The following ESRRG variants were observed in gnomAD, a reference collection of about 807,000 sequenced individuals.
The protein encoded by ESRRG is estrogen related receptor gamma.
Under a neutral mutation model 44.0 loss-of-function variants are expected in ESRRG, and 13 were observed. The ratio of observed to expected loss-of-function variants is 0.30; its 90% CI spans 0.19 to 0.47. The LOEUF is 0.47. ESRRG is among the 20% of genes least tolerant of loss of function. The pLI is 1.00. For synonymous variants in ESRRG, 215 were observed against 214.6 expected, an observed-to-expected ratio of 1.00 and a Z score of -0.02; for missense variants, 395 against 580.6, an observed-to-expected ratio of 0.68 and a Z score of 3.29.
At chr1:216,955,798 G>C (rs968744995) in intron 1 of ESRRG, among the ~76,000 whole-genome samples, 2 of 152,120 alleles carry the variant, frequency 1.3e-5, no homozygotes, top group African/African-American at 4.8e-5. Context: ...CTGATGACTA[G>C]TGATGTTGAA....
chr1:216,516,033 C>T (rs899685166), intron 6 of ESRRG, among the ~76,000 whole-genome samples: 2 of 151,878 alleles, frequency 1.3e-5, no homozygotes, highest in East Asian at 1.9e-4. Flanking sequence ...AGTCAAACCT[C>T]GTTATATACA....
intron 2 of ESRRG, among the ~76,000 whole-genome samples, chr1:216,927,376 G>A (rs574421933): frequency 6.6e-6 from 1 of 152,244 alleles, no homozygotes; most frequent in East Asian, 1.9e-4. Context: ...CCACCCTGAA[G>A]GGCAAGGGTT....
At position 216,831,509 on chromosome 1, in the gene ESRRG, A is replaced by G. The variant is rs559898961; in HGVS notation, c.-14+108073T>C. Among the ~76,000 whole-genome samples, 10 of 150,368 alleles carry G rather than the reference A, an allele frequency of 6.7e-5. No homozygotes were observed. In the East Asian group the frequency reaches 1.4e-3, roughly 21 times the overall value. ...GGAGGAAAGAGGAGGAGAAAAAGAG[A>G]GAGAGAGAAAGAGGCAGGGGGAGAG... On this transcript the variant is annotated intron_variant, in intron 2 of 7. Coordinates refer to the ESRRG transcript ENST00000359162.
chr1:216,683,234 G>A (rs1430940491), intron 1 of ESRRG, among the ~76,000 whole-genome samples: 1 of 152,098 alleles, frequency 6.6e-6, no homozygotes, highest in Non-Finnish European at 1.5e-5. Flanking sequence ...CTAACGGAAG[G>A]AGATCATTAA....
intron 1 of ESRRG, among the ~76,000 whole-genome samples, chr1:217,019,735 A>G (rs1408213644): frequency 2.6e-5 from 4 of 152,208 alleles, no homozygotes; most frequent in East Asian, 1.9e-4. Context: ...TTTTTACATT[A>G]GGAAGAGCAG....
intron 2 of ESRRG, among the ~76,000 whole-genome samples, chr1:216,816,805 G>A (rs2095152062): frequency 6.6e-6 from 1 of 152,176 alleles, no homozygotes; most frequent in Non-Finnish European, 1.5e-5. Context: ...GGCTTTCAAA[G>A]AAGGCAAACA....
chr1:216,715,190 G>A, intron 1 of ESRRG: 1 of 985,322 alleles, frequency 1.0e-6, no homozygotes, highest in Non-Finnish European at 1.2e-6. Flanking sequence ...TCAGCTGATA[G>A]TTGCTTTTCC....
chr1:217,115,354 A>C (rs1352017913), intron 1 of ESRRG, among the ~76,000 whole-genome samples: 1 of 152,158 alleles, frequency 6.6e-6, no homozygotes, highest in Non-Finnish European at 1.5e-5. Context: ...CATGATCCAG[A>C]ACAGCCCCTT....
In ESRRG at chr1:216,833,998, C is replaced by T. The variant is rs527686403; in HGVS notation, c.-14+105584G>A. ...TAGTTCTTCATCTGCACAGTTATCA[C>T]GGGGACACCATGGTTCAAACAACAG... On this transcript the variant is annotated intron_variant, in intron 2 of 7. Transcript: ENST00000359162. Among the ~76,000 whole-genome samples, 42 of 152,258 alleles carry T rather than the reference C, an allele frequency of 2.8e-4. No individual in the cohort carries two copies. The Middle Eastern group carries it at 0.01, about 37-fold the overall frequency.
intron 2 of ESRRG, among the ~76,000 whole-genome samples, chr1:216,886,770 C>T (rs1402013720): frequency 2.0e-5 from 3 of 152,118 alleles, no homozygotes; most frequent in Non-Finnish European, 4.4e-5. Context: ...ATCACTGGGG[C>T]TTGAGTGGAG....
At chr1:216,669,112 A>AAC (rs984306857) in intron 2 of ESRRG, among the ~76,000 whole-genome samples, 1 of 151,644 alleles carries the variant, frequency 6.6e-6, no homozygotes, top group Non-Finnish European at 1.5e-5. Flanking sequence ...TAAAAAAAAA[A>AAC]CAAAACAAAG....
At chr1:216,986,401 A>G (rs750960156) in intron 1 of ESRRG, among the ~76,000 whole-genome samples, 5 of 152,212 alleles carry the variant, frequency 3.3e-5, no homozygotes, top group Non-Finnish European at 7.4e-5. Flanking sequence ...CCTGGCTCCA[A>G]ACCAATGGGT....
intron 5 of ESRRG, among the ~76,000 whole-genome samples, chr1:216,562,321 A>G (rs1343166607): frequency 6.6e-6 from 1 of 152,108 alleles, no homozygotes; most frequent in Non-Finnish European, 1.5e-5. Flanking sequence ...TAAACTGGAG[A>G]CTAAAATATC....
At chr1:216,816,089 G>A (rs1253829268) in intron 2 of ESRRG, among the ~76,000 whole-genome samples, 1 of 152,168 alleles carries the variant, frequency 6.6e-6, no homozygotes, top group Admixed American at 6.5e-5. Context: ...GACTTGCACA[G>A]ATGCTAAAGA....
rs75997525 is a variant in ESRRG, at chr1:217,055,107, C to T, written c.-106+34400G>A. Among the ~76,000 whole-genome samples the T allele has an allele frequency of 3.2e-4, 49 of 152,282 alleles. No individual in the cohort carries two copies. In the East Asian group the frequency reaches 7.1e-3, roughly 22 times the overall value. ...GGTAACAGTTAGGGGCTAGAACAAACTTTCAAAAACACAAATCTAATTATG... is the reference window on the plus strand; with the variant it reads ...GGTAACAGTTAGGGGCTAGAACAAATTTTCAAAAACACAAATCTAATTATG... On this transcript the variant is annotated intron_variant, in intron 1 of 7. Transcript: ENST00000359162.
intron 5 of ESRRG, among the ~76,000 whole-genome samples, chr1:216,519,627 A>T (rs1207432495): frequency 6.6e-6 from 1 of 152,060 alleles, no homozygotes; most frequent in Non-Finnish European, 1.5e-5. Context: ...GGTATTTGCT[A>T]TAAGTTTTAT....
intron 1 of ESRRG, among the ~76,000 whole-genome samples, chr1:217,028,287 G>C (rs1370745847): frequency 6.6e-6 from 1 of 152,178 alleles, no homozygotes; most frequent in South Asian, 2.1e-4. Context: ...GGAACAACTA[G>C]AGTAGGTGTT....
chr1:216,738,925 T>C (rs12062536), intron 2 of ESRRG, among the ~76,000 whole-genome samples: 2,943 of 152,230 alleles, frequency 0.019, 96 homozygotes, highest in African/African-American at 0.067. Flanking sequence ...AATCATAGCT[T>C]TCTGCAGCTT....
At chr1:216,558,276 C>T (rs12090846) in intron 5 of ESRRG, among the ~76,000 whole-genome samples, 6,108 of 152,124 alleles carry the variant, frequency 0.04, 197 homozygotes, top group African/African-American at 0.085. Context: ...GTTCCTATTT[C>T]GATGCCATAG....
Sources: gnomAD v4.1 joint callset for allele counts (sites outside exome capture counted in the v4.1 genomes callset) on GRCh38, gnomAD v4.1.1 for gene constraint, MANE v1.5 for transcripts, NCBI Gene and HGNC (gene_info 2026-07-23, HGNC 2026-07-21) for gene names.